Variants in CAMK1D observed in about 807,000 individuals in gnomAD.
CAMK1D encodes the protein calcium/calmodulin-dependent protein kinase type 1D.
Under a neutral mutation model 47.7 loss-of-function variants are expected in CAMK1D, and 9 were observed. The observed-to-expected ratio is 0.19, with a 90% CI of 0.11 to 0.33. The LOEUF is 0.33. Ranked by LOEUF, CAMK1D falls within the 10% of genes least tolerant of loss-of-function variation. CAMK1D has a pLI of 1.00. For missense variants in CAMK1D, 291 were observed against 488.7 expected, an observed-to-expected ratio of 0.60 and a Z score of 3.81; for synonymous variants, 184 against 184.9, an observed-to-expected ratio of 0.99 and a Z score of 0.04.
At chr10:12,692,662 T>C (rs1241046908) in intron 3 of CAMK1D, among the ~76,000 whole-genome samples, 1 of 152,236 alleles carries the variant, frequency 6.6e-6, no homozygotes, top group Non-Finnish European at 1.5e-5. Context: ...AAACAAGATA[T>C]ATGTTGCAAA....
intron 1 of CAMK1D, among the ~76,000 whole-genome samples, chr10:12,487,279 A>C (rs1834246647): frequency 6.6e-6 from 1 of 152,170 alleles, no homozygotes; most frequent in Non-Finnish European, 1.5e-5. Context: ...CTTCTCCTCA[A>C]GGTCTCTTTA....
At chr10:12,436,335 A>G (rs1832633855) in intron 1 of CAMK1D, among the ~76,000 whole-genome samples, 1 of 152,110 alleles carries the variant, frequency 6.6e-6, no homozygotes, top group African/African-American at 2.4e-5. Context: ...CTTCACATTC[A>G]CTGGAAGCCA....
intron 3 of CAMK1D, among the ~76,000 whole-genome samples, chr10:12,712,488 G>A (rs1833973805): frequency 6.6e-6 from 1 of 152,230 alleles, no homozygotes; most frequent in Non-Finnish European, 1.5e-5. Flanking sequence ...GAGGGTGGAA[G>A]TTCCAGAGCA....
intron 1 of CAMK1D, among the ~76,000 whole-genome samples, chr10:12,407,682 T>G (rs1294206203): frequency 6.6e-6 from 1 of 152,116 alleles, no homozygotes; most frequent in Non-Finnish European, 1.5e-5. Context: ...AGGAGGAGAT[T>G]TACTTTCCCA....
At chr10:12,760,793 T>C (rs1391845788) in intron 3 of CAMK1D, among the ~76,000 whole-genome samples, 155 bp from the exon 4 acceptor site, 1 of 152,172 alleles carries the variant, frequency 6.6e-6, no homozygotes, top group African/African-American at 2.4e-5. Flanking sequence ...TGGAAACATT[T>C]CCTGGCTATA....
chr10:12,701,509 C>G (rs1833516824), intron 3 of CAMK1D, among the ~76,000 whole-genome samples: 1 of 152,174 alleles, frequency 6.6e-6, no homozygotes, highest in Non-Finnish European at 1.5e-5. Context: ...TACCCCAGCC[C>G]TCTCTGGCCA....
At chr10:12,363,665 GTTTTT>G (rs1165886868) in intron 1 of CAMK1D, among the ~76,000 whole-genome samples, 1 of 117,108 alleles carries the variant, frequency 8.5e-6, no homozygotes, top group Non-Finnish European at 1.7e-5. Flanking sequence ...GTTTCCTAAG[GTTTTT>G]TTTTTTTTTT....
At chr10:12,439,305 C>T (rs746646986) in intron 1 of CAMK1D, among the ~76,000 whole-genome samples, 5 of 152,144 alleles carry the variant, frequency 3.3e-5, no homozygotes, top group Admixed American at 6.5e-5. Flanking sequence ...TAATATTTAT[C>T]GAAAACTCCC....
At chr10:12,712,615 G>A (rs774286055) in intron 3 of CAMK1D, among the ~76,000 whole-genome samples, 1 of 152,116 alleles carries the variant, frequency 6.6e-6, no homozygotes, top group Non-Finnish European at 1.5e-5. Context: ...TCTTCTTATA[G>A]GGACACTAAT....
intron 1 of CAMK1D, among the ~76,000 whole-genome samples, chr10:12,360,487 C>T (rs1371437773): frequency 6.6e-6 from 1 of 152,160 alleles, no homozygotes. Context: ...CATTTATGGG[C>T]TAATACTTCC....
chr10:12,557,300 A>T (rs148654026), intron 2 of CAMK1D, among the ~76,000 whole-genome samples: 163 of 152,336 alleles, frequency 1.1e-3, no homozygotes, highest in African/African-American at 3.8e-3. Context: ...CTGTAATCCC[A>T]GCACTTTGGG....
intron 3 of CAMK1D, among the ~76,000 whole-genome samples, chr10:12,674,797 G>T (rs935644282): frequency 1.4e-4 from 21 of 151,686 alleles, no homozygotes; most frequent in Admixed American, 3.3e-4. Flanking sequence ...ACTTTGGGAG[G>T]CTGAGGCGGG....
chr10:12,466,363 G>A (rs560034387), intron 1 of CAMK1D, among the ~76,000 whole-genome samples: 2 of 152,138 alleles, frequency 1.3e-5, no homozygotes, highest in South Asian at 2.1e-4. Flanking sequence ...AGCCGAGATC[G>A]CACCACTGCA....
At chr10:12,599,625 G>A (rs1342303831) in intron 2 of CAMK1D, among the ~76,000 whole-genome samples, 10 of 152,202 alleles carry the variant, frequency 6.6e-5, no homozygotes, top group Non-Finnish European at 2.9e-5. Flanking sequence ...ACGTGAACAC[G>A]ATCAGGAGAG....
At chr10:12,766,794 G>A (rs1448014131) in intron 4 of CAMK1D, among the ~76,000 whole-genome samples, 1 of 152,116 alleles carries the variant, frequency 6.6e-6, no homozygotes, top group East Asian at 1.9e-4. Flanking sequence ...TACCCGTGGT[G>A]GGGGGATTCT....
At chr10:12,618,491 A>G (rs2132432182) in intron 2 of CAMK1D, among the ~76,000 whole-genome samples, 1 of 152,290 alleles carries the variant, frequency 6.6e-6, no homozygotes, top group East Asian at 1.9e-4. Flanking sequence ...TGTGTCCATA[A>G]AGAGTATCAT....
intron 3 of CAMK1D, among the ~76,000 whole-genome samples, chr10:12,749,385 C>T (rs1292012114): frequency 1.0e-4 from 14 of 140,026 alleles, no homozygotes; most frequent in Admixed American, 7.7e-4. Context: ...GGTGTCACGT[C>T]GTGTGTTATT....
At chr10:12,387,353 T>A (rs868490579) in intron 1 of CAMK1D, among the ~76,000 whole-genome samples, 85 of 104,670 alleles carry the variant, frequency 8.1e-4, no homozygotes, top group African/African-American at 1.8e-3. Context: ...TATATTATAT[T>A]TTATATATAT....
chr10:12,591,511 T>C (rs1837994722), intron 2 of CAMK1D, among the ~76,000 whole-genome samples: 1 of 152,346 alleles, frequency 6.6e-6, no homozygotes, highest in South Asian at 2.1e-4. Context: ...CAAACACAGG[T>C]GACAGTGGCT....
Sources: gnomAD v4.1 joint callset for allele counts (sites outside exome capture counted in the v4.1 genomes callset) on GRCh38, gnomAD v4.1.1 for gene constraint, MANE v1.5 for transcripts, NCBI Gene and HGNC (gene_info 2026-07-23, HGNC 2026-07-21) for gene names.